CD276: variants seen among roughly 807,000 people sequenced by gnomAD.
CD276 encodes CD276 molecule.
A neutral mutation model predicts 50.0 loss-of-function variants in CD276; 34 were observed. That is an observed-to-expected ratio of 0.68 (90% CI 0.52 to 0.91). The LOEUF (loss-of-function observed/expected upper bound fraction) is 0.91. CD276 is among the 40% of genes least tolerant of loss of function. CD276 has a pLI of 0.00. For synonymous variants in CD276, 275 were observed against 313.0 expected, an observed-to-expected ratio of 0.88 and a Z score of 1.28; for missense variants, 634 against 717.5, an observed-to-expected ratio of 0.88 and a Z score of 1.33.
chr15:73,707,952 A>G (rs1343024969), intron 6 of CD276, among the ~76,000 whole-genome samples: 1 of 152,260 alleles, frequency 6.6e-6, no homozygotes, highest in African/African-American at 2.4e-5. Context: ...TTAGGACACC[A>G]GTTTGGCTGA....
Position 73,708,651 on chromosome 15 carries a change from C to T in CD276, c.1504+178C>T, listed in dbSNP as rs532673793. 37 of 677,304 alleles carry T rather than the reference C, an allele frequency of 5.5e-5. No individual in the cohort carries two copies. In the Admixed American group the frequency reaches 6.4e-4, roughly 12 times the overall value. The allele number at this position is 677,304 out of a possible 1,614,324, so 42.0% of individuals were successfully genotyped here. A position where few individuals can be genotyped will look rare whatever the true frequency, so the allele number is the denominator to read the frequency against. ...TCTACGTCTTGTGTGTGTGAACAAG[C>T]GTGAGCCTGTCTGTCCATGTGCAGA... On this transcript the variant is annotated intron_variant, in intron 7 of 9. Coordinates refer to ENST00000318443, the MANE Select transcript of CD276 (RefSeq NM_001024736.2).
At chr15:73,709,304 G>A (rs1269150470) in intron 7 of CD276, among the ~76,000 whole-genome samples, 2 of 152,090 alleles carry the variant, frequency 1.3e-5, no homozygotes, top group Admixed American at 6.5e-5. Context: ...CTTTGGCTGG[G>A]TGAGTGGTGG....
rs1342578460 is a variant in CD276 at position 73,687,278 on chromosome 15, G to A, written c.-55+2818G>A. 6.6e-6 allele frequency among the ~76,000 whole-genome samples: 1 copy of A among 152,114 alleles called. No individual in the cohort carries two copies. Among genetic ancestry groups the A allele is most frequent in the Non-Finnish European group, 1.5e-5 (1 of 68,014 alleles). Reference sequence around the variant, plus strand: ...GACATTATCTCATGTAATCCTCATAGTAATCCTATGAGGTAGGGTATCATT... The same window carrying A: ...GACATTATCTCATGTAATCCTCATAATAATCCTATGAGGTAGGGTATCATT... On this transcript the variant is annotated intron_variant, in intron 1 of 9. Transcript: ENST00000318443. This position sits in a 1 kb window ranked among gnomAD's most constrained non-coding sequence, Gnocchi z 4.0.
chr15:73,703,118 G>A (rs761742768), intron 4 of CD276, 32 bp downstream of exon 4: 2 of 1,540,908 alleles, frequency 1.3e-6, no homozygotes, highest in African/African-American at 1.4e-5. Flanking sequence ...CTTGGGGGAG[G>A]GGGGTTCTGC....
chr15:73,693,567 A>G (rs1900062087), intron 1 of CD276, among the ~76,000 whole-genome samples: 1 of 152,146 alleles, frequency 6.6e-6, no homozygotes, highest in Non-Finnish European at 1.5e-5. Flanking sequence ...ATTAGCAGCA[A>G]TGAGTGTGAG....
At chr15:73,690,507 C>T (rs538890461) in intron 1 of CD276, among the ~76,000 whole-genome samples, 4 of 152,266 alleles carry the variant, frequency 2.6e-5, no homozygotes, top group South Asian at 4.1e-4. Flanking sequence ...CTGGGAAGTC[C>T]AAGGGCATGG....
At chr15:73,691,578 G>A (rs1429872061) in intron 1 of CD276, among the ~76,000 whole-genome samples, 3 of 152,196 alleles carry the variant, frequency 2.0e-5, no homozygotes, top group Non-Finnish European at 4.4e-5. Context: ...GCCAGGTCTT[G>A]TAACATGCCC....
In CD276 at chr15:73,702,508, C is replaced by G. The variant is rs771767340; in HGVS notation, c.333C>G (p.Arg111=). ...AQGNASLRLQ[R]VRVADEGSFT... ...GCAACGCATCCCTGAGGCTGCAGCG[C>G]GTGCGTGTGGCGGACGAGGGCAGCT... The change falls in exon 3 of 10, where the codon CGC becomes CGG. Residue 111 remains arginine (R), a synonymous_variant. Coordinates refer to ENST00000318443, the MANE Select transcript of CD276 (RefSeq NM_001024736.2). 2.5e-6 allele frequency: 4 copies of G among 1,613,178 alleles called. No homozygotes were observed. Among genetic ancestry groups the G allele is most frequent in the Non-Finnish European group, 3.4e-6 (4 of 1,179,962 alleles).
chr15:73,692,099 G>A (rs1452221966), intron 1 of CD276, among the ~76,000 whole-genome samples: 4 of 152,008 alleles, frequency 2.6e-5, no homozygotes. Context: ...GCCTCTCCTG[G>A]AGTCCCATCT....
intron 1 of CD276, among the ~76,000 whole-genome samples, chr15:73,690,281 G>A (rs1596002866): frequency 6.6e-6 from 1 of 152,216 alleles, no homozygotes; most frequent in Admixed American, 6.5e-5. Context: ...TCTCAGGGAG[G>A]TTCTCATATA....
intron 1 of CD276, among the ~76,000 whole-genome samples, chr15:73,698,426 C>T (rs1900255274): frequency 6.6e-6 from 1 of 152,184 alleles, no homozygotes; most frequent in Non-Finnish European, 1.5e-5. Flanking sequence ...AAACCACGGC[C>T]AACCTGACTG....
chr15:73,702,727 T>A (rs774386964), intron 3 of CD276, 45 bp from the exon 4 acceptor site: 1 of 1,589,066 alleles, frequency 6.3e-7, no homozygotes, highest in Non-Finnish European at 8.6e-7. Flanking sequence ...CTTTTCGTCC[T>A]CTGCCATTGC....
chr15:73,703,095 G>C lies in CD276; in HGVS notation c.733+9G>C. 1 of 1,573,104 alleles carries C rather than the reference G, an allele frequency of 6.4e-7. No homozygotes were observed. On this transcript the variant is annotated intron_variant, in intron 4 of 9. Coordinates refer to ENST00000318443, the MANE Select transcript of CD276 (RefSeq NM_001024736.2). ...CCAGAGAAGCCCCACAGGTTGCTTT[G>C]CTTAAATGTCCCCTTGGGGGAGGGG...
rs369360105 is a variant in CD276 at position 73,702,592 on chromosome 15, C to G, written c.417C>G (p.Ala139=). ...FGSAAVSLQV[A]APYSKPSMTL... is the part of the protein sequence containing the mutation. ...GCGCTGCCGTCAGCCTGCAGGTGGC[C>G]GGTGAGCACCAGGAGGGGGACGCCT... Residue 139 remains alanine (A), a splice_region_variant and synonymous_variant, in exon 3 of 10, where the codon GCC becomes GCG. Transcript: ENST00000318443. The G allele has an allele frequency of 1.9e-6, 3 of 1,604,494 alleles. No homozygotes were observed. The highest frequency in any genetic ancestry group is 2.2e-5 in the South Asian group (2 of 90,346).
intron 1 of CD276, among the ~76,000 whole-genome samples, chr15:73,699,008 A>C (rs1018958680): frequency 6.6e-6 from 1 of 152,204 alleles, no homozygotes; most frequent in Non-Finnish European, 1.5e-5. Context: ...GAAAAACCCA[A>C]ATTCCTCACT....
chr15:73,688,115 G>A (rs1241162164), intron 1 of CD276, among the ~76,000 whole-genome samples: 1 of 152,114 alleles, frequency 6.6e-6, no homozygotes, highest in Non-Finnish European at 1.5e-5. Flanking sequence ...CTTTGGAGCT[G>A]GGGCACTGAT....
At chr15:73,707,346 G>T (rs1900688843) in intron 6 of CD276, among the ~76,000 whole-genome samples, 2 of 152,230 alleles carry the variant, frequency 1.3e-5, no homozygotes, top group Non-Finnish European at 2.9e-5. Context: ...AGGATGGTAT[G>T]TAAGATGGAG....
intron 9 of CD276, 24 bp from the exon 10 acceptor site, chr15:73,712,910 T>A: frequency 6.2e-7 from 1 of 1,612,882 alleles, no homozygotes; most frequent in Non-Finnish European, 8.5e-7. Context: ...CTTCCCTTTT[T>A]TTTCTTCCCA....
chr15:73,708,641 T>C (rs1317083649), intron 7 of CD276, 168 bp downstream of exon 7: 1 of 731,954 alleles, frequency 1.4e-6, no homozygotes, highest in African/African-American at 1.8e-5. Flanking sequence ...GTCTTGTGTG[T>C]GTGAACAAGC....
Sources: allele counts gnomAD v4.1 joint callset (sites outside exome capture counted in the v4.1 genomes callset), GRCh38; gene constraint gnomAD v4.1.1; non-coding constraint Gnocchi (gnomAD v3.1); transcripts MANE v1.5; gene names NCBI Gene and HGNC (gene_info 2026-07-23, HGNC 2026-07-21).